The following DPYSL2 variants were observed in gnomAD, a reference collection of about 807,000 sequenced individuals.
DPYSL2 encodes the protein dihydropyrimidinase-related protein 2.
A neutral mutation model predicts 69.9 loss-of-function variants in DPYSL2; 13 were observed. The observed-to-expected ratio is 0.19, with a 90% confidence interval of 0.12 to 0.30. The LOEUF is 0.30. DPYSL2 is among the 10% of genes least tolerant of loss of function. The probability of loss-of-function intolerance (pLI) is 1.00; values close to 1 mark genes in which losing one functional copy is unlikely to be tolerated. For synonymous variants in DPYSL2, 326 were observed against 359.1 expected (o/e 0.91, Z 1.04); for missense variants, 587 against 918.9 (o/e 0.64, Z 4.67).
chr8:26,528,273 G>A (rs1011572174), intron 1 of DPYSL2, among the ~76,000 whole-genome samples: 5 of 152,118 alleles, frequency 3.3e-5, no homozygotes, highest in Middle Eastern at 3.2e-3. Context: ...AGGGCCCCTG[G>A]CAGACCAGTA....
chr8:26,548,479 C>T (rs1398101602), intron 1 of DPYSL2: 1 of 154,640 alleles, frequency 6.5e-6, no homozygotes, highest in Non-Finnish European at 1.4e-5. Flanking sequence ...GCCTTTTCCT[C>T]TCAGAAGTCC....
rs1337641196 is a variant in DPYSL2 at position 26,619,072 on chromosome 8, T to A, written c.629-5071T>A. ...GGGGCTCCTTGACCCCCAAGCCTAT[T>A]CTCTTTTCACTGCTGGTATAGTCGG... On this transcript the variant is annotated intron_variant, in intron 3 of 13. Coordinates refer to ENST00000521913, the MANE Select transcript of DPYSL2 (RefSeq NM_001197293.3). The surrounding 1 kb of genome is among the most constrained non-coding windows in gnomAD (Gnocchi z 4.8). 1.3e-5 allele frequency among the ~76,000 whole-genome samples: 2 copies of A among 152,132 alleles called. No individual in the cohort carries two copies. The highest frequency in any genetic ancestry group is 4.8e-5 in the African/African-American group (2 of 41,418).
At chr8:26,577,873 GC>G (rs1361568885) in intron 1 of DPYSL2, 2 of 1,109,852 alleles carry the variant, frequency 1.8e-6, no homozygotes, top group African/African-American at 3.4e-5. Flanking sequence ...GAAGCGGATG[GC>G]TTTTGCCTGA....
At chr8:26,556,578 A>G (rs752292252) in intron 1 of DPYSL2, among the ~76,000 whole-genome samples, 6 of 150,694 alleles carry the variant, frequency 4.0e-5, no homozygotes, top group Non-Finnish European at 8.8e-5. Context: ...AAAACATACT[A>G]TTGTGTACAA....
Position 26,564,868 on chromosome 8 carries a change from C to T in DPYSL2, c.355-17101C>T, listed in dbSNP as rs1801124772. The stretch of plus-strand genomic sequence containing the variant: ...TCTGAGATTTTAGTGCACCCATCAC[C>T]CAAGGAGTGTACATTGTACCTAATG... On this transcript the variant is annotated intron_variant, in intron 1 of 13. Transcript: ENST00000521913. The surrounding 1 kb of genome is among the most constrained non-coding windows in gnomAD (Gnocchi z 4.8). Among the ~76,000 whole-genome samples, 1 of 152,048 alleles carries T rather than the reference C, an allele frequency of 6.6e-6. No individual in the cohort carries two copies. The highest frequency in any genetic ancestry group is 1.5e-5 in the Non-Finnish European group (1 of 68,014).
rs1224420777 is a variant in DPYSL2, at chr8:26,598,804, ATCTT to A, written c.628+14828_628+14831del. On this transcript the variant is annotated intron_variant, in intron 3 of 13. Transcript: ENST00000521913. The surrounding 1 kb of genome is among the most constrained non-coding windows in gnomAD (Gnocchi z 4.2). Reference sequence around the variant, plus strand: ...TGAGACTTACACCTTGTTTATTGCAATCTTTCTTTCATTTTGCAGGCGGTGGGGG... The same window carrying A: ...TGAGACTTACACCTTGTTTATTGCAATCTTTCATTTTGCAGGCGGTGGGGG... Among the ~76,000 whole-genome samples the A allele has an allele frequency of 8.1e-5, 12 of 148,596 alleles. No individual in the cohort carries two copies. The highest frequency in any genetic ancestry group is 6.1e-4 in the Admixed American group (9 of 14,718).
chr8:26,600,877 C>T (rs1351973668), intron 3 of DPYSL2, among the ~76,000 whole-genome samples: 1 of 152,192 alleles, frequency 6.6e-6, no homozygotes, highest in African/African-American at 2.4e-5. Flanking sequence ...TGTTTTGCTC[C>T]CTTTTGTGAG....
Position 26,609,501 on chromosome 8 carries a change from G to T in DPYSL2, c.629-14642G>T, listed in dbSNP as rs1456016025. 2.6e-5 allele frequency among the ~76,000 whole-genome samples: 4 copies of T among 152,172 alleles called. No individual in the cohort carries two copies. The highest frequency in any genetic ancestry group is 9.6e-5 in the African/African-American group (4 of 41,458). On this transcript the variant is annotated intron_variant, in intron 3 of 13. Transcript: ENST00000521913. The surrounding 1 kb of genome is among the most constrained non-coding windows in gnomAD (Gnocchi z 6.5). ...GCACGTGGAAGCTTGTGGCGTGACT[G>T]TTATTTTTTTGTGATGTTCTGTACA...
intron 8 of DPYSL2, among the ~76,000 whole-genome samples, chr8:26,636,578 G>A (rs987578696): frequency 6.6e-6 from 1 of 152,176 alleles, no homozygotes; most frequent in African/African-American, 2.4e-5. Flanking sequence ...TTAGTTGGGG[G>A]AGGTGGAGTC....
rs887489622 is a variant in DPYSL2 at position 26,644,624 on chromosome 8, A to G, written c.1425+533A>G. 6.6e-6 allele frequency among the ~76,000 whole-genome samples: 1 copy of G among 152,068 alleles called. No homozygotes were observed. Among genetic ancestry groups the G allele is most frequent in the African/African-American group, 2.4e-5 (1 of 41,392 alleles). On this transcript the variant is annotated intron_variant, in intron 10 of 13. Transcript: ENST00000521913. This position sits in a 1 kb window ranked among gnomAD's most constrained non-coding sequence, Gnocchi z 4.5. ...CTGGCTTACCTGTATATTTCTTATC[A>G]TTATCATCAATGGAACAGTAAAGAC... is the stretch of plus-strand genomic sequence containing the variant.
rs1808318477 is a variant in DPYSL2, at chr8:26,517,893, A to G, written c.354+3214A>G. Among the ~76,000 whole-genome samples, 1 of 151,848 alleles carries G rather than the reference A, an allele frequency of 6.6e-6. No homozygotes were observed. Among genetic ancestry groups the G allele is most frequent in the Non-Finnish European group, 1.5e-5 (1 of 67,968 alleles). On this transcript the variant is annotated intron_variant, in intron 1 of 13. Transcript: ENST00000521913. This position sits in a 1 kb window ranked among gnomAD's most constrained non-coding sequence, Gnocchi z 4.2. The stretch of plus-strand genomic sequence containing the variant: ...TCCCCATCCCTTCTGCCTGTGTTGA[A>G]TCTCTTCTGGCCCTGGGAGCCCAGT...
chr8:26,630,786 A>G (rs1802754210), intron 7 of DPYSL2, among the ~76,000 whole-genome samples: 1 of 152,160 alleles, frequency 6.6e-6, no homozygotes. Context: ...CAAAGCAGAG[A>G]GCTAGAAAGT....
intron 1 of DPYSL2, among the ~76,000 whole-genome samples, chr8:26,561,557 A>C (rs1585510053): frequency 6.8e-6 from 1 of 147,416 alleles, no homozygotes; most frequent in Non-Finnish European, 1.5e-5. Flanking sequence ...ATAATCCCAC[A>C]CCCCCACTTC....
chr8:26,548,184 C>G, intron 1 of DPYSL2: 4 of 242,674 alleles, frequency 1.6e-5, no homozygotes, highest in Non-Finnish European at 3.4e-5. Context: ...CGTCCAAGTA[C>G]TTCTCAGAAC....
chr8:26,539,560 G>A (rs1046658784), intron 1 of DPYSL2, among the ~76,000 whole-genome samples: 3 of 152,108 alleles, frequency 2.0e-5, no homozygotes, highest in Admixed American at 6.5e-5. Context: ...TTTATTTATA[G>A]ACAGAGTCTC....
intron 2 of DPYSL2, 150 bp from the exon 3 acceptor site, chr8:26,583,649 A>G (rs186212950): frequency 2.9e-6 from 2 of 698,720 alleles, no homozygotes; most frequent in Non-Finnish European, 4.6e-6. Flanking sequence ...GGGTAGGAGT[A>G]TATAGTGTTT....
At chr8:26,584,405 G>T (rs1338621101) in intron 3 of DPYSL2, among the ~76,000 whole-genome samples, 2 of 152,130 alleles carry the variant, frequency 1.3e-5, no homozygotes, top group Admixed American at 1.3e-4. Flanking sequence ...ATGAGGATGG[G>T]CTGCAACAAA....
At chr8:26,521,953 A>G (rs2117600709) in intron 1 of DPYSL2, among the ~76,000 whole-genome samples, 1 of 152,132 alleles carries the variant, frequency 6.6e-6, no homozygotes, top group Non-Finnish European at 1.5e-5. Context: ...GGTTGTTTCC[A>G]CCTTTTGGCT....
In DPYSL2 at chr8:26,556,295, GTA is replaced by G. The variant is rs1381976098; in HGVS notation, c.355-25665_355-25664del. Among the ~76,000 whole-genome samples the G allele has an allele frequency of 2.9e-4, 2 of 6,784 alleles. 1 individual carries two copies. 4.5% of individuals were successfully genotyped at this position (6,784 alleles called of 152,430 possible). On this transcript the variant is annotated intron_variant, in intron 1 of 13. Transcript: ENST00000521913. Reference sequence around the variant, plus strand: ...ATATAGTATTTATATAATATATATAGTATATATATAGTATATATATACTATAT... The same window carrying G: ...ATATAGTATTTATATAATATATATAGTATATATAGTATATATATACTATAT...
Sources: gnomAD v4.1 joint callset for allele counts (sites outside exome capture counted in the v4.1 genomes callset) on GRCh38, gnomAD v4.1.1 for gene constraint, Gnocchi (gnomAD v3.1) non-coding constraint, MANE v1.5 for transcripts, NCBI Gene and HGNC (gene_info 2026-07-23, HGNC 2026-07-21) for gene names.